Variants in SYNPO observed in about 807,000 individuals in gnomAD.
The protein encoded by SYNPO is synaptopodin.
In SYNPO, 19 loss-of-function variants were observed where a neutral mutation model predicts 49.5. That is an observed-to-expected ratio of 0.38 (90% CI 0.27 to 0.56). The LOEUF (loss-of-function observed/expected upper bound fraction) is 0.56. SYNPO is among the 20% of genes least tolerant of loss of function. SYNPO has a pLI of 0.68. For synonymous variants in SYNPO, 536 were observed against 548.0 expected (o/e 0.98, Z 0.31); for missense variants, 1,131 against 1,248.3 (o/e 0.91, Z 1.42).
intron 2 of SYNPO, among the ~76,000 whole-genome samples, chr5:150,633,420 T>C (rs1757605843): frequency 6.6e-6 from 1 of 152,202 alleles, no homozygotes; most frequent in Non-Finnish European, 1.5e-5. Flanking sequence ...CTCTGGGAAC[T>C]CCCTGCACTG....
At chr5:150,640,505 C>T (rs111446995), upstream of SYNPO, 8 of 353,320 alleles carry the variant, frequency 2.3e-5, no homozygotes, top group African/African-American at 1.8e-4. Context: ...CCTCCATGTC[C>T]TGGGGAGGCA....
chr5:150,603,288 G>T (rs1756600809), intron 1 of SYNPO, among the ~76,000 whole-genome samples: 1 of 152,230 alleles, frequency 6.6e-6, no homozygotes, highest in Admixed American at 6.5e-5. Flanking sequence ...TTCAGCTCTG[G>T]CTCCCAGGCC....
chr5:150,655,065 C>T (rs539580339), intron 2 of SYNPO, among the ~76,000 whole-genome samples: 6 of 152,164 alleles, frequency 3.9e-5, no homozygotes, highest in Admixed American at 6.5e-5. Context: ...GCAGAAGTTG[C>T]GGTGAGCTGA....
rs369769452 is a variant in SYNPO, at chr5:150,648,577, C to T, written c.302C>T (p.Pro101Leu). The change falls in exon 2 of 3, where the codon CCG (proline) becomes CTG (leucine). Residue 101 changes from proline (P) to leucine (L), a missense_variant. Transcript: ENST00000307662. This position sits in a 1 kb window ranked among gnomAD's most constrained non-coding sequence, Gnocchi z 5.0. Reference protein sequence around the residue: ...PPATDVNQNPPATVVPQSLPL... With the variant: ...PPATDVNQNPLATVVPQSLPL... The stretch of plus-strand genomic sequence containing the variant: ...GCCACCGATGTCAATCAGAACCCAC[C>T]GGCAACTGTTGTCCCACAGAGCCTG... 3.2e-5 allele frequency: 51 copies of T among 1,614,058 alleles called. No homozygotes were observed. In the Admixed American group the frequency reaches 5.0e-4, roughly 16 times the overall value.
chr5:150,606,931 A>G (rs1395605113), intron 1 of SYNPO, among the ~76,000 whole-genome samples: 1 of 152,060 alleles, frequency 6.6e-6, no homozygotes, highest in Non-Finnish European at 1.5e-5. Flanking sequence ...CTTGTTCTTC[A>G]TCCAGCCTCA....
intron 1 of SYNPO, among the ~76,000 whole-genome samples, chr5:150,601,845 G>C (rs1354642958): frequency 6.6e-6 from 1 of 152,192 alleles, no homozygotes; most frequent in Non-Finnish European, 1.5e-5. Flanking sequence ...TCAGTCTTCT[G>C]GCACCTGCAC....
Position 150,642,322 on chromosome 5 carries a change from C to G in SYNPO, c.-333+1468C>G, listed in dbSNP as rs1757937701. Among the ~76,000 whole-genome samples the G allele has an allele frequency of 2.6e-5, 4 of 152,248 alleles. No individual in the cohort carries two copies. In the South Asian group the frequency reaches 8.3e-4, roughly 31 times the overall value. ...GTGCCCGCCCTCCACCCCTTCCTCT[C>G]TTGAAGGCCTATCTTCAGGGCTCCT... On this transcript the variant is annotated intron_variant, in intron 1 of 2. Coordinates refer to ENST00000307662, the MANE Select transcript of SYNPO (RefSeq NM_007286.6).
the SYNPO span, among the ~76,000 whole-genome samples, chr5:150,594,633 G>C: frequency 2.6e-5 from 4 of 152,134 alleles, no homozygotes; most frequent in African/African-American, 9.7e-5. Context: ...AAGCTCTCCC[G>C]GGCCTCACAT....
At chr5:150,641,193 C>T (rs1581498387) in intron 1 of SYNPO, among the ~76,000 whole-genome samples, 1 of 152,328 alleles carries the variant, frequency 6.6e-6, no homozygotes, top group African/African-American at 2.4e-5. Context: ...TCATTTCCTC[C>T]TTTCAGTGGG....
chr5:150,636,636 C>G (rs1372566310), upstream of SYNPO, among the ~76,000 whole-genome samples: 2 of 152,244 alleles, frequency 1.3e-5, no homozygotes, highest in Non-Finnish European at 2.9e-5. Context: ...GGGGCCAGAC[C>G]TGCCTGGTAA....
At chr5:150,621,079 A>G (rs1757157716) in intron 2 of SYNPO, among the ~76,000 whole-genome samples, 1 of 150,230 alleles carries the variant, frequency 6.7e-6, no homozygotes, top group African/African-American at 2.4e-5. Flanking sequence ...CAGCCTCCCA[A>G]GTAGCTGGGA....
chr5:150,600,336 A>T (rs1756498304), upstream of SYNPO, among the ~76,000 whole-genome samples: 1 of 152,212 alleles, frequency 6.6e-6, no homozygotes, highest in Non-Finnish European at 1.5e-5. Context: ...CTCCAGTGGG[A>T]AAGGCAGGCG....
the SYNPO span, among the ~76,000 whole-genome samples, chr5:150,595,901 C>G: frequency 2.0e-5 from 3 of 151,388 alleles, no homozygotes; most frequent in East Asian, 2.0e-4. Context: ...GTCGGCCCAA[C>G]GGAGCCAGGA....
At chr5:150,627,530 A>G (rs1015586080) in intron 2 of SYNPO, among the ~76,000 whole-genome samples, 1 of 152,240 alleles carries the variant, frequency 6.6e-6, no homozygotes, top group African/African-American at 2.4e-5. Flanking sequence ...AGGCACTTGC[A>G]TTTTAATTGG....
chr5:150,638,635 G>T (rs1757794981), upstream of SYNPO, among the ~76,000 whole-genome samples: 1 of 152,254 alleles, frequency 6.6e-6, no homozygotes, highest in Non-Finnish European at 1.5e-5. Flanking sequence ...GGCTGGCACA[G>T]GGCTAAGGGG....
the SYNPO span, among the ~76,000 whole-genome samples, chr5:150,587,591 T>C: frequency 3.9e-5 from 6 of 152,204 alleles, 1 homozygote; most frequent in Admixed American, 3.9e-4. Context: ...CATGAAACTC[T>C]AGAATGCTAA....
intron 1 of SYNPO, among the ~76,000 whole-genome samples, chr5:150,602,997 G>GGGGGGGTGTGTGT (rs1554106602): frequency 7.6e-5 from 10 of 131,252 alleles, no homozygotes; most frequent in African/African-American, 3.0e-4. Flanking sequence ...GCCACCTTAG[G>GGGGGGGTGTGTGT]GTGTGTGTGT....
Position 150,656,412 on chromosome 5 carries a change from G to C in SYNPO, c.2037G>C (p.Arg679=). ...CTCTGCTCTCTCCCCAGGACCGCCGGGAGAGCCTGCCCACCTCCCCACCCT... is the reference window on the plus strand; with the variant it reads ...CTCTGCTCTCTCCCCAGGACCGCCGCGAGAGCCTGCCCACCTCCCCACCCT... ...RNAGIEAQDR[R]ESLPTSPPWT... Residue 679 remains arginine, a synonymous_variant, in exon 3 of 3, where the codon CGG becomes CGC. Transcript: ENST00000307662. 3 of 1,529,648 alleles carry C rather than the reference G, an allele frequency of 2.0e-6. No homozygotes were observed. Among genetic ancestry groups the C allele is most frequent in the Non-Finnish European group, 2.6e-6 (3 of 1,144,270 alleles). 94.8% of individuals were successfully genotyped at this position (1,529,648 alleles called of 1,614,324 possible). A position where few individuals can be genotyped will look rare whatever the true frequency, so the allele number is the denominator to read the frequency against.
upstream of SYNPO, among the ~76,000 whole-genome samples, chr5:150,637,524 G>A (rs1476022467): frequency 4.6e-5 from 7 of 152,296 alleles, no homozygotes; most frequent in East Asian, 9.6e-4. Flanking sequence ...CACCTGCCAC[G>A]ACTGAGGGAT....
Sources: allele counts gnomAD v4.1 joint callset (sites outside exome capture counted in the v4.1 genomes callset), GRCh38; gene constraint gnomAD v4.1.1; non-coding constraint Gnocchi (gnomAD v3.1); transcripts MANE v1.5; gene names NCBI Gene and HGNC (gene_info 2026-07-23, HGNC 2026-07-21).